Variants in LHFPL2 observed in about 807,000 individuals in gnomAD.
The protein encoded by LHFPL2 is LHFPL tetraspan subfamily member 2 protein.
In LHFPL2, 7 loss-of-function variants were observed where a neutral mutation model predicts 17.5. That is an observed-to-expected ratio of 0.40 (90% CI 0.23 to 0.75). The LOEUF (loss-of-function observed/expected upper bound fraction) is 0.75, where lower values mean the gene tolerates loss of function less well. Among genes scored for constraint, LHFPL2 ranks in the 30% least tolerant of loss-of-function variants. LHFPL2 has a pLI of 0.37. For synonymous variants in LHFPL2, 134 were observed against 116.2 expected (o/e 1.15, Z -0.99); for missense variants, 241 against 294.8 (o/e 0.82, Z 1.34).
intron 2 of LHFPL2, among the ~76,000 whole-genome samples, chr5:78,586,160 G>T (rs1012704809): frequency 6.6e-6 from 1 of 152,172 alleles, no homozygotes; most frequent in Admixed American, 6.5e-5. Flanking sequence ...CCCATGGGTG[G>T]TAACTGTCCA....
chr5:78,539,018 G>C (rs1359248536), intron 3 of LHFPL2, among the ~76,000 whole-genome samples: 1 of 152,206 alleles, frequency 6.6e-6, no homozygotes, highest in Non-Finnish European at 1.5e-5. Flanking sequence ...GCTATGGTTT[G>C]AATGATGATT....
intron 2 of LHFPL2, among the ~76,000 whole-genome samples, chr5:78,619,267 A>G (rs1379744440): frequency 6.6e-6 from 1 of 152,048 alleles, no homozygotes; most frequent in Admixed American, 6.6e-5. Context: ...GCCTCAAGGA[A>G]TTCACTCACC....
chr5:78,595,539 G>T (rs933390637), intron 2 of LHFPL2, among the ~76,000 whole-genome samples: 16 of 152,034 alleles, frequency 1.1e-4, no homozygotes, highest in African/African-American at 3.9e-4. Flanking sequence ...TTTAGACAGG[G>T]TCTCACTCTG....
intron 2 of LHFPL2, among the ~76,000 whole-genome samples, chr5:78,620,848 C>T (rs529371812): frequency 3.3e-5 from 5 of 152,336 alleles, no homozygotes; most frequent in East Asian, 1.9e-4. Context: ...TCTCTATTTT[C>T]GGACCATGTG....
chr5:78,574,497 C>G (rs1029960534), intron 2 of LHFPL2, among the ~76,000 whole-genome samples: 3 of 152,266 alleles, frequency 2.0e-5, no homozygotes, highest in African/African-American at 7.2e-5. Context: ...CTCACCATCT[C>G]CATTCTCTAA....
chr5:78,580,999 T>C (rs1165277036), intron 2 of LHFPL2, among the ~76,000 whole-genome samples: 1 of 152,248 alleles, frequency 6.6e-6, no homozygotes, highest in African/African-American at 2.4e-5. Context: ...TTCTTCCATT[T>C]GTTTGTATCC....
intron 2 of LHFPL2, among the ~76,000 whole-genome samples, chr5:78,605,460 C>T (rs1445727639): frequency 6.6e-6 from 1 of 152,150 alleles, no homozygotes; most frequent in African/African-American, 2.4e-5. Context: ...GGCTGACAAT[C>T]ACCCCTTCCA....
At chr5:78,597,489 T>C (rs982733537) in intron 2 of LHFPL2, among the ~76,000 whole-genome samples, 1 of 152,170 alleles carries the variant, frequency 6.6e-6, no homozygotes, top group Non-Finnish European at 1.5e-5. Context: ...CCAAAGTGTG[T>C]CTCAGAGTAG....
intron 3 of LHFPL2, among the ~76,000 whole-genome samples, chr5:78,527,977 AC>A (rs753874894): frequency 6.6e-6 from 1 of 152,036 alleles, no homozygotes; most frequent in Non-Finnish European, 1.5e-5. Flanking sequence ...AGTTCTGATA[AC>A]CCTCCTTGAT....
chr5:78,639,480 T>C (rs1440656803), intron 1 of LHFPL2, among the ~76,000 whole-genome samples: 2 of 152,214 alleles, frequency 1.3e-5, no homozygotes, highest in African/African-American at 4.8e-5. Context: ...CATGAATCCA[T>C]GCAGAGTCAG....
chr5:78,595,688 AT>A (rs200044293), intron 2 of LHFPL2, among the ~76,000 whole-genome samples: 4 of 151,928 alleles, frequency 2.6e-5, no homozygotes, highest in African/African-American at 9.7e-5. Flanking sequence ...ATTTTTTAAA[AT>A]TTTTTTTGTA....
intron 3 of LHFPL2, among the ~76,000 whole-genome samples, chr5:78,551,456 G>T (rs1170968856): frequency 6.6e-6 from 1 of 152,126 alleles, no homozygotes; most frequent in Non-Finnish European, 1.5e-5. Context: ...GTTTGTATCT[G>T]GGGGCCACTT....
chr5:78,520,732 G>C (rs2112341275), intron 3 of LHFPL2, among the ~76,000 whole-genome samples: 1 of 152,306 alleles, frequency 6.6e-6, no homozygotes, highest in African/African-American at 2.4e-5. Context: ...TTTTTTTCCT[G>C]GGGTGGGAGA....
In LHFPL2 at chr5:78,495,943, C is replaced by A. The variant is rs16875518; in HGVS notation, c.431-6790G>T. The stretch of plus-strand genomic sequence containing the variant: ...CACATCACCATTCCTCGAACAGGGG[C>A]CTGTTATTCACAGTGACCCCCTTGG... On this transcript the variant is annotated intron_variant, in intron 4 of 4. Coordinates refer to ENST00000380345, the MANE Select transcript of LHFPL2 (RefSeq NM_005779.3). Among the ~76,000 whole-genome samples, 1,418 of 152,194 alleles carry A rather than the reference C, an allele frequency of 9.3e-3. 27 individuals carry two copies. Among genetic ancestry groups the A allele is most frequent in the African/African-American group, 0.03 (1,260 of 41,508 alleles).
At chr5:78,557,664 C>T (rs923852645) in intron 3 of LHFPL2, among the ~76,000 whole-genome samples, 1 of 152,140 alleles carries the variant, frequency 6.6e-6, no homozygotes, top group African/African-American at 2.4e-5. Context: ...ACCACTTGGC[C>T]ACAGTTATAG....
intron 4 of LHFPL2, among the ~76,000 whole-genome samples, chr5:78,494,841 G>A (rs756323179): frequency 1.3e-5 from 2 of 152,192 alleles, no homozygotes; most frequent in Non-Finnish European, 2.9e-5. Context: ...ACTGGGCTCC[G>A]TGAGGGCAGA....
chr5:78,599,833 A>T (rs1281824665), intron 2 of LHFPL2, among the ~76,000 whole-genome samples: 1 of 152,058 alleles, frequency 6.6e-6, no homozygotes, highest in African/African-American at 2.4e-5. Flanking sequence ...ATCCCTTAAA[A>T]TCTGAGATTT....
intron 3 of LHFPL2, among the ~76,000 whole-genome samples, chr5:78,524,052 C>T (rs1329350150): frequency 1.3e-5 from 2 of 152,250 alleles, no homozygotes; most frequent in South Asian, 2.1e-4. Flanking sequence ...TGGGAACACT[C>T]GGTTTTGCCT....
At chr5:78,546,663 G>GACTAGA (rs1276309552) in intron 3 of LHFPL2, among the ~76,000 whole-genome samples, 1 of 152,208 alleles carries the variant, frequency 6.6e-6, no homozygotes, top group Non-Finnish European at 1.5e-5. Flanking sequence ...CTGCACATAT[G>GACTAGA]ACTAGAACTG....
Sources: gnomAD v4.1 joint callset for allele counts (sites outside exome capture counted in the v4.1 genomes callset) on GRCh38, gnomAD v4.1.1 for gene constraint, MANE v1.5 for transcripts, NCBI Gene and HGNC (gene_info 2026-07-23, HGNC 2026-07-21) for gene names.